The following ROR1 variants were observed in gnomAD, a reference collection of about 807,000 sequenced individuals.
ROR1 encodes inactive tyrosine-protein kinase transmembrane receptor ROR1.
A neutral mutation model predicts 78.8 loss-of-function variants in ROR1; 19 were observed. The observed-to-expected ratio is 0.24, with a 90% confidence interval of 0.17 to 0.35. The LOEUF (loss-of-function observed/expected upper bound fraction) is 0.35. Ranked by LOEUF, ROR1 falls within the 10% of genes least tolerant of loss-of-function variation. The pLI, the probability that ROR1 is intolerant of heterozygous loss-of-function variation, is 1.00. For missense variants in ROR1, 917 were observed against 1,177.8 expected, an observed-to-expected ratio of 0.78 and a Z score of 3.24; for synonymous variants, 386 against 433.6, an observed-to-expected ratio of 0.89 and a Z score of 1.36.
chr1:64,174,490 C>T (rs1456446814), intron 8 of ROR1, among the ~76,000 whole-genome samples: 1 of 152,174 alleles, frequency 6.6e-6, no homozygotes, highest in African/African-American at 2.4e-5. Flanking sequence ...GGATACTTTT[C>T]AAGCAGTGAA....
intron 2 of ROR1, among the ~76,000 whole-genome samples, chr1:64,036,936 T>C (rs1268561338): frequency 6.6e-6 from 1 of 152,210 alleles, no homozygotes; most frequent in Non-Finnish European, 1.5e-5. Context: ...CAAAAACAGC[T>C]GGAGTCTGGA....
chr1:63,810,299 A>T lies in ROR1; in HGVS notation c.91+35791A>T, dbSNP rs190970630. 1.4e-4 allele frequency among the ~76,000 whole-genome samples: 22 copies of T among 152,336 alleles called. No homozygotes were observed. The East Asian group carries it at 3.7e-3, about 25-fold the overall frequency. On this transcript the variant is annotated intron_variant, in intron 1 of 8. Transcript: ENST00000371079. ...GATATTTTTGGGAACATTCTAAGGCATTCTCTTTCCTCTTTTTTGTTGATG... is the reference window on the plus strand; with the variant it reads ...GATATTTTTGGGAACATTCTAAGGCTTTCTCTTTCCTCTTTTTTGTTGATG...
intron 4 of ROR1, among the ~76,000 whole-genome samples, chr1:64,101,793 G>A (rs72915002): frequency 0.011 from 1,671 of 152,252 alleles, 39 homozygotes; most frequent in African/African-American, 0.039. Context: ...GAGAGAGTGA[G>A]CCATACGTTT....
At chr1:64,103,117 G>A (rs755976406) in intron 4 of ROR1, among the ~76,000 whole-genome samples, 2 of 152,164 alleles carry the variant, frequency 1.3e-5, no homozygotes, top group Non-Finnish European at 2.9e-5. Flanking sequence ...AAAAGCAGCA[G>A]GAAGATGTTA....
At chr1:64,158,920 T>A (rs1649852615) in intron 7 of ROR1, 61 bp from the exon 8 acceptor site, 1 of 1,259,966 alleles carries the variant, frequency 7.9e-7, no homozygotes. Flanking sequence ...CTATGCAATG[T>A]AATATTATGC....
At chr1:63,993,785 T>A (rs1646315097) in intron 1 of ROR1, among the ~76,000 whole-genome samples, 1 of 152,202 alleles carries the variant, frequency 6.6e-6, no homozygotes, top group African/African-American at 2.4e-5. Context: ...GCTGGACAAG[T>A]AGGTTGTTTC....
intron 8 of ROR1, among the ~76,000 whole-genome samples, chr1:64,176,533 G>C (rs1650385830): frequency 1.3e-5 from 2 of 152,186 alleles, no homozygotes; most frequent in Non-Finnish European, 2.9e-5. Context: ...CACACAGCTG[G>C]TAAGTGGAGA....
At chr1:64,102,562 T>C (rs1173635380) in intron 4 of ROR1, among the ~76,000 whole-genome samples, 2 of 152,192 alleles carry the variant, frequency 1.3e-5, no homozygotes, top group Non-Finnish European at 2.9e-5. Context: ...CTTTTATAAA[T>C]GTCCACTGTA....
At chr1:63,984,052 G>A (rs1175243058) in intron 1 of ROR1, among the ~76,000 whole-genome samples, 1 of 151,878 alleles carries the variant, frequency 6.6e-6, no homozygotes, top group African/African-American at 2.4e-5. Context: ...TTTTCTATGT[G>A]CCTGATAGTT....
chr1:64,105,358 C>T (rs893535648), intron 4 of ROR1: 2 of 152,026 alleles, frequency 1.3e-5, no homozygotes, highest in African/African-American at 4.8e-5. Flanking sequence ...GATATTAGAC[C>T]TTTGTTGGAT....
rs187124944 is a variant in ROR1 at position 63,949,548 on chromosome 1, C to T, written c.92-59757C>T. Among the ~76,000 whole-genome samples, 596 of 152,246 alleles carry T rather than the reference C, an allele frequency of 3.9e-3. 5 individuals carry two copies. The highest frequency in any genetic ancestry group is 0.014 in the African/African-American group (574 of 41,550). Reference sequence around the variant, plus strand: ...GGCTTAGAGTGTTCCAGCAGCTTTCCCAAGCTTACCTGGAGGGTTTCCTTT... The same window carrying T: ...GGCTTAGAGTGTTCCAGCAGCTTTCTCAAGCTTACCTGGAGGGTTTCCTTT... On this transcript the variant is annotated intron_variant, in intron 1 of 8. Transcript: ENST00000371079.
intron 1 of ROR1, among the ~76,000 whole-genome samples, chr1:63,832,694 A>AT (rs1644995476): frequency 6.6e-6 from 1 of 152,218 alleles, no homozygotes; most frequent in South Asian, 2.1e-4. Flanking sequence ...AAACACACAC[A>AT]TTTTTTCAAA....
intron 1 of ROR1, among the ~76,000 whole-genome samples, chr1:63,797,502 A>G (rs1331589373): frequency 2.0e-5 from 3 of 152,230 alleles, no homozygotes; most frequent in African/African-American, 7.2e-5. Flanking sequence ...CATGCAGGCC[A>G]CAAACTCCAT....
rs775483290 is a variant in ROR1 at position 64,178,573 on chromosome 1, G to A, written c.2532G>A (p.Val844=). ...ACCAGCCAACAGGTCCTCCCAGAGT[G>A]ATTCAGCACTGCCCACCTCCCAAGA... The part of the protein sequence containing the change: ...AHYQPTGPPR[V]IQHCPPPKSR... The change falls in exon 9 of 9, where the codon GTG becomes GTA. Residue 844 remains valine (V), a synonymous_variant. Coordinates refer to ENST00000371079, the MANE Select transcript of ROR1 (RefSeq NM_005012.4). This position sits in a 1 kb window ranked among gnomAD's most constrained non-coding sequence, Gnocchi z 4.3. The A allele has an allele frequency of 1.2e-6, 2 of 1,614,030 alleles. No homozygotes were observed. Among genetic ancestry groups the A allele is most frequent in the Non-Finnish European group, 1.7e-6 (2 of 1,180,036 alleles).
At chr1:64,164,847 G>C (rs1650042167) in intron 8 of ROR1, among the ~76,000 whole-genome samples, 1 of 152,206 alleles carries the variant, frequency 6.6e-6, no homozygotes, top group Non-Finnish European at 1.5e-5. Context: ...AGAACATGCG[G>C]TACTTAGTTT....
At chr1:63,781,626 G>A (rs1234256637) in intron 1 of ROR1, among the ~76,000 whole-genome samples, 2 of 152,188 alleles carry the variant, frequency 1.3e-5, no homozygotes, top group Non-Finnish European at 2.9e-5. Context: ...GGATTAGAGG[G>A]TCAGAGGAAG....
chr1:63,924,879 T>C (rs904270972), intron 1 of ROR1, among the ~76,000 whole-genome samples: 2 of 148,008 alleles, frequency 1.4e-5, no homozygotes, highest in African/African-American at 5.0e-5. Context: ...CATTTTCTCA[T>C]CAGCCCTTGA....
At chr1:63,946,329 T>C (rs1430877594) in intron 1 of ROR1, among the ~76,000 whole-genome samples, 1 of 152,190 alleles carries the variant, frequency 6.6e-6, no homozygotes, top group African/African-American at 2.4e-5. Context: ...GATATAACTA[T>C]CTCTGAAAAC....
intron 4 of ROR1, among the ~76,000 whole-genome samples, chr1:64,121,149 C>G (rs1648524694): frequency 2.2e-5 from 3 of 133,852 alleles, no homozygotes; most frequent in Non-Finnish European, 3.1e-5. Context: ...TCCTTCCTGT[C>G]TCCTCTCTTT....
Sources: allele counts gnomAD v4.1 joint callset (sites outside exome capture counted in the v4.1 genomes callset), GRCh38; gene constraint gnomAD v4.1.1; non-coding constraint Gnocchi (gnomAD v3.1); transcripts MANE v1.5; gene names NCBI Gene and HGNC (gene_info 2026-07-23, HGNC 2026-07-21).